Variants in KIF5C observed in about 807,000 individuals in gnomAD.
KIF5C encodes the protein kinesin heavy chain isoform 5C.
In KIF5C, 18 loss-of-function variants were observed where a neutral mutation model predicts 125.2. That is an observed-to-expected ratio of 0.14 (90% CI 0.10 to 0.21). The LOEUF (loss-of-function observed/expected upper bound fraction) is 0.21. KIF5C is among the 10% of genes least tolerant of loss of function. The probability of loss-of-function intolerance (pLI) is 1.00; values close to 1 mark genes in which losing one functional copy is unlikely to be tolerated. For synonymous variants in KIF5C, 405 were observed against 434.0 expected (o/e 0.93, Z 0.83); for missense variants, 780 against 1,183.8 (o/e 0.66, Z 5.01).
At chr2:149,014,504 T>A (rs1682303161) in intron 25 of KIF5C, among the ~76,000 whole-genome samples, 1 of 152,194 alleles carries the variant, frequency 6.6e-6, no homozygotes, top group South Asian at 2.1e-4. Context: ...GATGGCAGTG[T>A]GGCTGAGGGG....
intron 1 of KIF5C, chr2:148,878,243 A>G (rs1681249555): frequency 6.6e-6 from 1 of 151,840 alleles, no homozygotes; most frequent in South Asian, 2.1e-4. Flanking sequence ...CAGTCCCTAA[A>G]TCCCCCTGCT....
chr2:148,936,644 G>A (rs994975143), intron 3 of KIF5C, among the ~76,000 whole-genome samples: 3 of 152,190 alleles, frequency 2.0e-5, no homozygotes, highest in Admixed American at 6.5e-5. Flanking sequence ...GTAGAAAAGC[G>A]GGGAAAGAAG....
At chr2:148,918,099 G>C (rs1311877383) in intron 1 of KIF5C, among the ~76,000 whole-genome samples, 2 of 152,288 alleles carry the variant, frequency 1.3e-5, no homozygotes, top group Middle Eastern at 3.4e-3. Flanking sequence ...ATTTGATAGA[G>C]TTCTGGTGGT....
At chr2:148,959,107 A>T (rs530555239) in intron 10 of KIF5C, among the ~76,000 whole-genome samples, 3 of 152,244 alleles carry the variant, frequency 2.0e-5, no homozygotes, top group South Asian at 2.1e-4. Context: ...AATTTTTTAC[A>T]TGGTATTGGG....
At chr2:148,925,489 T>A (rs951416528) in intron 2 of KIF5C, among the ~76,000 whole-genome samples, 10 of 152,242 alleles carry the variant, frequency 6.6e-5, no homozygotes, top group Non-Finnish European at 1.5e-5. Context: ...TCATAACAAC[T>A]TTCTGAAGGG....
At chr2:148,995,867 A>G (rs1297573822) in intron 17 of KIF5C, among the ~76,000 whole-genome samples, 2 of 152,218 alleles carry the variant, frequency 1.3e-5, no homozygotes, top group Non-Finnish European at 2.9e-5. Flanking sequence ...TTAAAAATGA[A>G]TGGATGCAGC....
chr2:148,949,749 TGTCCCCC>T, intron 8 of KIF5C, 83 bp from the exon 9 acceptor site: 1 of 1,493,826 alleles, frequency 6.7e-7, no homozygotes, highest in Non-Finnish European at 9.0e-7. Flanking sequence ...TCCAGGAGGC[TGTCCCCC>T]TTTGCCCTCG....
intron 1 of KIF5C, among the ~76,000 whole-genome samples, chr2:148,898,593 C>T (rs1025490785): frequency 8.5e-5 from 13 of 152,102 alleles, no homozygotes; most frequent in African/African-American, 2.7e-4. Flanking sequence ...TGAGACTTGA[C>T]GGGCCATTAC....
At chr2:148,913,699 C>T (rs1046444034) in intron 1 of KIF5C, among the ~76,000 whole-genome samples, 3 of 152,100 alleles carry the variant, frequency 2.0e-5, no homozygotes, top group South Asian at 4.2e-4. Flanking sequence ...GTTTGTCGAG[C>T]GGCAGTTTGA....
chr2:148,968,391 T>C (rs1252164233), intron 11 of KIF5C, among the ~76,000 whole-genome samples: 1 of 152,234 alleles, frequency 6.6e-6, no homozygotes, highest in Non-Finnish European at 1.5e-5. Flanking sequence ...TGTGGAACTT[T>C]GGGACCACCA....
chr2:148,992,153 A>C lies in KIF5C; in HGVS notation c.1905+955A>C, dbSNP rs181832514. On this transcript the variant is annotated intron_variant, in intron 16 of 25. Transcript: ENST00000435030. ...CTTTTAACCATAATAATGTGTAATCATAGAAACATCTCCAACCTCTCTGTC... is the reference window on the plus strand; with the variant it reads ...CTTTTAACCATAATAATGTGTAATCCTAGAAACATCTCCAACCTCTCTGTC... Among the ~76,000 whole-genome samples, 492 of 152,364 alleles carry C rather than the reference A, an allele frequency of 3.2e-3. 12 individuals carry two copies. Among genetic ancestry groups the C allele is most frequent in the Non-Finnish European group, 6.2e-4 (42 of 68,036 alleles).
intron 3 of KIF5C, among the ~76,000 whole-genome samples, chr2:148,931,135 T>G (rs1488282784): frequency 6.6e-6 from 1 of 151,876 alleles, no homozygotes; most frequent in Non-Finnish European, 1.5e-5. Context: ...ATTACCAAAC[T>G]ATATATAATG....
At chr2:148,881,846 C>G (rs988762072) in intron 1 of KIF5C, among the ~76,000 whole-genome samples, 3 of 145,550 alleles carry the variant, frequency 2.1e-5, no homozygotes, top group African/African-American at 8.5e-5. Flanking sequence ...GTGAGCCCGT[C>G]TAAACAGTTT....
intron 3 of KIF5C, among the ~76,000 whole-genome samples, 194 bp downstream of exon 3, chr2:148,929,548 A>T (rs559852241): frequency 6.6e-6 from 1 of 152,366 alleles, no homozygotes; most frequent in Admixed American, 6.5e-5. Flanking sequence ...GTATTTTAAA[A>T]AGTACTTTAT....
intron 1 of KIF5C, among the ~76,000 whole-genome samples, chr2:148,883,365 G>A (rs35378341): frequency 0.032 from 4,887 of 152,202 alleles, 106 homozygotes; most frequent in Non-Finnish European, 0.047. Flanking sequence ...GCCAGGCATG[G>A]TGGCGGGCAC....
intron 11 of KIF5C, among the ~76,000 whole-genome samples, chr2:148,971,197 G>A (rs1680892452): frequency 6.6e-6 from 1 of 152,080 alleles, no homozygotes; most frequent in African/African-American, 2.4e-5. Flanking sequence ...TCAAGTTTTA[G>A]TTGTATACTC....
Position 148,876,885 on chromosome 2 carries a change from C to T in KIF5C, c.126+1142C>T, listed in dbSNP as rs1398452325. On this transcript the variant is annotated intron_variant, in intron 1 of 25. Coordinates refer to ENST00000435030, the MANE Select transcript of KIF5C (RefSeq NM_004522.3). The surrounding 1 kb of genome is among the most constrained non-coding windows in gnomAD (Gnocchi z 4.7). ...GCCTGCTCCAGGCTGCTGATGCAGC[C>T]TTCCCGTCCCCAGCATTGATTAAGT... Among the ~76,000 whole-genome samples the T allele has an allele frequency of 6.6e-6, 1 of 152,214 alleles. No individual in the cohort carries two copies. The highest frequency in any genetic ancestry group is 1.5e-5 in the Non-Finnish European group (1 of 68,044).
rs1300316444 is a variant in KIF5C, at chr2:149,025,883, T to G, written c.*2813T>G. ...CACTTTGCTTTTGTTAAACAGCAGG[T>G]AGTAGACAGAACAATAACAGTTTCG... On this transcript the variant is annotated 3_prime_UTR_variant, in exon 26 of 26. Transcript: ENST00000435030. 1 of 152,662 alleles carries G rather than the reference T, an allele frequency of 6.6e-6. No homozygotes were observed. The highest frequency in any genetic ancestry group is 2.4e-5 in the African/African-American group (1 of 41,460). 9.5% of individuals were successfully genotyped at this position (152,662 alleles called of 1,614,324 possible).
intron 13 of KIF5C, 110 bp downstream of exon 13, chr2:148,979,100 T>C: frequency 7.6e-7 from 1 of 1,307,720 alleles, no homozygotes; most frequent in Non-Finnish European, 9.8e-7. Context: ...AATTACAGAA[T>C]CATGTGGAAA....
Sources: gnomAD v4.1 joint callset for allele counts (sites outside exome capture counted in the v4.1 genomes callset) on GRCh38, gnomAD v4.1.1 for gene constraint, Gnocchi (gnomAD v3.1) non-coding constraint, MANE v1.5 for transcripts, NCBI Gene and HGNC (gene_info 2026-07-23, HGNC 2026-07-21) for gene names.